CATSPERD: variants seen among roughly 807,000 people sequenced by gnomAD.
CATSPERD encodes the protein cation channel sperm-associated auxiliary subunit delta.
A neutral mutation model predicts 98.1 loss-of-function variants in CATSPERD; 86 were observed. That is an observed-to-expected ratio of 0.88 (90% CI 0.74 to 1.05). CATSPERD has a LOEUF of 1.05. Among genes scored for constraint, CATSPERD ranks in the 50% least tolerant of loss-of-function variants. The pLI, the probability that CATSPERD is intolerant of heterozygous loss-of-function variation, is 0.00. For missense variants in CATSPERD, 995 were observed against 1,005.7 expected (o/e 0.99, Z 0.14); for synonymous variants, 394 against 390.2 (o/e 1.01, Z -0.12).
In CATSPERD at chr19:5,727,270, C is replaced by A. The variant is rs1344279579; in HGVS notation, c.129C>A (p.Asp43Glu). Residue 43 changes from aspartate (D) to glutamate (E), a missense_variant and splice_region_variant, in exon 3 of 22, where the codon GAC becomes GAA. Around this residue, in one of 3 missense-constraint regions of CATSPERD, gnomAD observed 228 missense variants for 209.6 expected, o/e 1.09. Transcript: ENST00000381624. ...AGATTTTGTGATTATCTCTCTAGGA[C>A]CGCCTGTATTTTCATCCTACAACAA... Reference protein sequence around the residue: ...VFNLIQDVQGDRLYFHPTTTR... With the variant: ...VFNLIQDVQGERLYFHPTTTR... The A allele has an allele frequency of 6.2e-7, 1 of 1,610,604 alleles. No homozygotes were observed. The highest frequency in any genetic ancestry group is 1.3e-5 in the African/African-American group (1 of 74,910).
chr19:5,776,221 T>A lies in CATSPERD; in HGVS notation c.2002T>A (p.Tyr668Asn), dbSNP rs1015070897. The A allele has an allele frequency of 1.8e-5, 29 of 1,614,040 alleles. No homozygotes were observed. Among genetic ancestry groups the A allele is most frequent in the African/African-American group, 4.0e-5 (3 of 74,926 alleles). The change falls in exon 21 of 22, where the codon TAT (tyrosine) becomes AAT (asparagine). Residue 668 changes from tyrosine to asparagine, a missense_variant. Coordinates refer to ENST00000381624, the MANE Select transcript of CATSPERD (RefSeq NM_152784.4). ...CCCTTTGAGGTGGCCAGACGTCCAG[T>A]ATCAGATCTTGGGCGGCCGGACAGC... The part of the protein sequence containing the change: ...NAPLRWPDVQ[Y>N]QILGGRTANQ...
chr19:5,751,783 C>T lies in CATSPERD; in HGVS notation c.1124C>T (p.Ala375Val), dbSNP rs891764996. The stretch of plus-strand genomic sequence containing the variant: ...CAGAAGTGCCTCGTGAATATCCAGG[C>T]GCTTCTCATGGACCCTGAACTCCAC... ...DFQKCLVNIQALLMDPELHVG... is the reference protein window; with the variant it reads ...DFQKCLVNIQVLLMDPELHVG... The change falls in exon 12 of 22, where the codon GCG (alanine) becomes GTG (valine). Residue 375 changes from alanine (A) to valine (V), a missense_variant. Physicochemically the swap from Ala to Val is moderately conservative, Grantham distance 64. Around this residue, in one of 3 missense-constraint regions of CATSPERD, gnomAD observed 762 missense variants for 773.7 expected, o/e 0.98. Coordinates refer to ENST00000381624, the MANE Select transcript of CATSPERD (RefSeq NM_152784.4). 10 of 1,613,534 alleles carry T rather than the reference C, an allele frequency of 6.2e-6. No homozygotes were observed. The highest frequency in any genetic ancestry group is 7.6e-6 in the Non-Finnish European group (9 of 1,179,816).
chr19:5,744,136 C>T (rs2056050382), intron 7 of CATSPERD, among the ~76,000 whole-genome samples: 1 of 152,008 alleles, frequency 6.6e-6, no homozygotes, highest in Non-Finnish European at 1.5e-5. Flanking sequence ...CCTACCACCA[C>T]ACCCGGCTAA....
chr19:5,750,083 C>T (rs888312034), intron 11 of CATSPERD, among the ~76,000 whole-genome samples: 16 of 150,436 alleles, frequency 1.1e-4, no homozygotes, highest in Non-Finnish European at 1.9e-4. Flanking sequence ...GGATTACAGT[C>T]GTGAGCCACC....
rs749080620 is a variant in CATSPERD at position 5,754,393 on chromosome 19, C to CTTTTT, written c.1278+167_1278+171dup. On this transcript the variant is annotated intron_variant, in intron 13 of 21. Coordinates refer to ENST00000381624, the MANE Select transcript of CATSPERD (RefSeq NM_152784.4). ...TTCTGCATAGAAATTGTCTCTGTGT[C>CTTTTT]TTTTTTTTTTTTTTTTTTTTTTTGA... 1.1e-3 allele frequency: 256 copies of CTTTTT among 230,356 alleles called. 4 individuals carry two copies. Among genetic ancestry groups the CTTTTT allele is most frequent in the Middle Eastern group, 1.9e-3 (1 of 530 alleles). The allele number at this position is 230,356 out of a possible 1,614,324, so 14.3% of individuals were successfully genotyped here. A position where few individuals can be genotyped will look rare whatever the true frequency, so the allele number is the denominator to read the frequency against.
At chr19:5,761,318 T>C (rs2056428575) in intron 15 of CATSPERD, among the ~76,000 whole-genome samples, 1 of 152,136 alleles carries the variant, frequency 6.6e-6, no homozygotes, top group Non-Finnish European at 1.5e-5. Context: ...GCCAGGCTGG[T>C]CTTGAACTCC....
chr19:5,777,350 G>A (rs2056756259), intron 21 of CATSPERD, among the ~76,000 whole-genome samples: 1 of 152,148 alleles, frequency 6.6e-6, no homozygotes, highest in Non-Finnish European at 1.5e-5. Flanking sequence ...CCGTGCCACA[G>A]GTGCTCCCTG....
At chr19:5,734,136 G>A (rs1021927939) in intron 5 of CATSPERD, among the ~76,000 whole-genome samples, 166 bp downstream of exon 5, 2 of 152,150 alleles carry the variant, frequency 1.3e-5, no homozygotes, top group Non-Finnish European at 2.9e-5. Flanking sequence ...CCCATCCGTA[G>A]ACTGGGAACC....
intron 5 of CATSPERD, among the ~76,000 whole-genome samples, chr19:5,734,830 C>T (rs769823562): frequency 2.0e-5 from 3 of 151,486 alleles, no homozygotes; most frequent in South Asian, 2.1e-4. Context: ...GGGACATCAG[C>T]GGGTCTTGGT....
intron 7 of CATSPERD, among the ~76,000 whole-genome samples, chr19:5,742,210 ATGTGTGTACATGTGTGTGCG>A (rs1568350730): frequency 2.1e-5 from 1 of 48,146 alleles, no homozygotes; most frequent in Non-Finnish European, 5.6e-5. Context: ...ACATGTGTGC[ATGTGTGTACATGTGTGTGCG>A]TGTGTGTACG....
At chr19:5,768,957 C>T (rs375025660) in intron 18 of CATSPERD, among the ~76,000 whole-genome samples, 2 of 151,986 alleles carry the variant, frequency 1.3e-5, no homozygotes, top group Admixed American at 1.3e-4. Context: ...AGTTCGAGAC[C>T]AGCCTGGCCA....
At chr19:5,747,618 T>C (rs1186512934) in intron 9 of CATSPERD, among the ~76,000 whole-genome samples, 11 of 143,704 alleles carry the variant, frequency 7.7e-5, no homozygotes, top group African/African-American at 2.8e-4. Context: ...TTCTTTTTTT[T>C]TTTTTTTTTT....
intron 2 of CATSPERD, 119 bp from the exon 3 acceptor site, chr19:5,727,149 T>C: frequency 1.5e-6 from 1 of 682,536 alleles, no homozygotes; most frequent in Non-Finnish European, 2.5e-6. Flanking sequence ...GAGCCAAGAT[T>C]GTGCAACTGC....
chr19:5,741,964 T>C (rs1599536593), intron 7 of CATSPERD, among the ~76,000 whole-genome samples: 1 of 148,492 alleles, frequency 6.7e-6, no homozygotes, highest in Non-Finnish European at 1.5e-5. Flanking sequence ...ACTTGGGAGG[T>C]GGAGGAGGTT....
intron 4 of CATSPERD, among the ~76,000 whole-genome samples, chr19:5,733,053 G>C (rs1457318295): frequency 2.0e-5 from 3 of 150,972 alleles, no homozygotes; most frequent in Non-Finnish European, 4.4e-5. Flanking sequence ...CCAAGCTGTA[G>C]TGCAATCTCG....
intron 12 of CATSPERD, 47 bp downstream of exon 12, chr19:5,751,870 A>C (rs2056228255): frequency 6.5e-7 from 1 of 1,539,834 alleles, no homozygotes; most frequent in South Asian, 1.2e-5. Context: ...TAGTTTTTAA[A>C]GACAAATTCA....
intron 9 of CATSPERD, 103 bp from the exon 10 acceptor site, chr19:5,748,057 G>C: frequency 1.2e-6 from 1 of 835,488 alleles, no homozygotes; most frequent in Non-Finnish European, 2.0e-6. Context: ...GCCACTGGCC[G>C]GGTGGGTTGG....
intron 13 of CATSPERD, among the ~76,000 whole-genome samples, chr19:5,757,301 T>C (rs1403959340): frequency 4.7e-5 from 7 of 149,898 alleles, no homozygotes; most frequent in African/African-American, 1.7e-4. Context: ...CAACTTCTTT[T>C]TTTTTTTTTT....
intron 1 of CATSPERD, among the ~76,000 whole-genome samples, chr19:5,722,295 G>T (rs542579851): frequency 6.6e-6 from 1 of 152,026 alleles, no homozygotes; most frequent in Admixed American, 6.6e-5. Context: ...CTAATTTTTT[G>T]TGTTTTTAGT....
Sources: gnomAD v4.1 joint callset for allele counts (sites outside exome capture counted in the v4.1 genomes callset) on GRCh38, gnomAD v4.1.1 for gene constraint, gnomAD v4.1.1 regional missense constraint, MANE v1.5 for transcripts, NCBI Gene and HGNC (gene_info 2026-07-23, HGNC 2026-07-21) for gene names.